The following GML variants were observed in gnomAD, a reference collection of about 807,000 sequenced individuals.
The protein encoded by GML is glycosyl-phosphatidylinositol-anchored molecule-like protein.
Under a neutral mutation model 8.2 loss-of-function variants are expected in GML, and 5 were observed. The ratio of observed to expected loss-of-function variants is 0.61; its 90% confidence interval spans 0.32 to 1.28. The LOEUF is 1.28. Ranked by LOEUF, GML falls within the 50% of genes most tolerant of loss-of-function variation. The probability of loss-of-function intolerance (pLI) is 0.06; values close to 1 mark genes in which losing one functional copy is unlikely to be tolerated. For synonymous variants in GML, 72 were observed against 69.0 expected (o/e 1.04, Z -0.22); for missense variants, 191 against 198.3 (o/e 0.96, Z 0.22).
At chr8:142,846,247 G>A in intron 3 of GML, 148 bp from the exon 4 acceptor site, 1 of 610,610 alleles carries the variant, frequency 1.6e-6, no homozygotes, top group Non-Finnish European at 2.9e-6. Flanking sequence ...TTCTCTCTTA[G>A]TCAAGTGTTC....
chr8:142,846,263 A>C (rs147652308), intron 3 of GML, 132 bp from the exon 4 acceptor site: 1 of 636,356 alleles, frequency 1.6e-6, no homozygotes, highest in African/African-American at 1.8e-5. Flanking sequence ...TGTTCTAGAC[A>C]ATTTTATCAC....
chr8:142,844,308 G>A (rs1816476056), intron 3 of GML, among the ~76,000 whole-genome samples: 1 of 152,178 alleles, frequency 6.6e-6, no homozygotes, highest in Non-Finnish European at 1.5e-5. Flanking sequence ...AGCAGTTTCA[G>A]GTGGTTTGTA....
At chr8:142,842,183 C>G (rs1056075831) in intron 3 of GML, among the ~76,000 whole-genome samples, 2 of 152,174 alleles carry the variant, frequency 1.3e-5, no homozygotes, top group African/African-American at 4.8e-5. Context: ...TCCTTCCTGC[C>G]ATCATTTGAA....
At chr8:142,839,772 G>A (rs911973775) in intron 1 of GML, among the ~76,000 whole-genome samples, 6 of 152,274 alleles carry the variant, frequency 3.9e-5, no homozygotes, top group South Asian at 2.1e-4. Flanking sequence ...GGGCGTTTCT[G>A]AGCCCACAGT....
At chr8:142,837,912 A>G (rs541290240) in intron 1 of GML, among the ~76,000 whole-genome samples, 1 of 148,696 alleles carries the variant, frequency 6.7e-6, no homozygotes, top group Non-Finnish European at 1.5e-5. Context: ...ATCTTTAGGT[A>G]CCTGGAGATT....
intron 1 of GML, among the ~76,000 whole-genome samples, chr8:142,837,897 T>G (rs1221579826): frequency 1.3e-5 from 2 of 148,302 alleles, no homozygotes; most frequent in East Asian, 2.1e-4. Context: ...GGGAAAACTG[T>G]CTTGATCTTT....
chr8:142,839,206 C>T (rs1816388262), intron 1 of GML, among the ~76,000 whole-genome samples: 1 of 152,148 alleles, frequency 6.6e-6, no homozygotes, highest in Non-Finnish European at 1.5e-5. Flanking sequence ...GGAGATCCAC[C>T]TAGGGAGGCT....
chr8:142,841,021 G>A, intron 2 of GML, 97 bp from the exon 3 acceptor site: 1 of 724,042 alleles, frequency 1.4e-6, no homozygotes, highest in East Asian at 2.6e-5. Context: ...GAAGCAGAGG[G>A]GAAGGGCTGG....
chr8:142,839,911 G>A (rs1022013109), intron 1 of GML, among the ~76,000 whole-genome samples: 2 of 152,172 alleles, frequency 1.3e-5, no homozygotes, highest in Non-Finnish European at 2.9e-5. Context: ...TAATGACACT[G>A]AGGATGCCTT....
At position 142,846,560 on chromosome 8, in the gene GML, C is replaced by T. The variant is rs1272674839; in HGVS notation, c.347C>T (p.Thr116Ile). 1 of 1,613,926 alleles carries T rather than the reference C, an allele frequency of 6.2e-7. No individual in the cohort carries two copies. The highest frequency in any genetic ancestry group is 1.1e-5 in the South Asian group (1 of 91,066). ...NSMVCNAGGP[T>I]NLERDMLPDE... ...ATGGTTTGCAATGCAGGAGGACCTA[C>T]TAATCTTGAAAGGGACATGTTACCC... The change falls in exon 4 of 4, where the codon ACT (threonine) becomes ATT (isoleucine). Residue 116 changes from threonine (T) to isoleucine (I), a missense_variant. Physicochemically the swap from Thr to Ile is moderately conservative, Grantham distance 89. Coordinates refer to ENST00000220940, the MANE Select transcript of GML (RefSeq NM_002066.3).
In GML at chr8:142,841,214, C is replaced by T. The variant is rs765885764; in HGVS notation, c.170C>T (p.Thr57Ile). 6 of 1,469,626 alleles carry T rather than the reference C, an allele frequency of 4.1e-6. No individual in the cohort carries two copies. In the African/African-American group the frequency reaches 7.0e-5, roughly 17 times the overall value. 91.0% of individuals were successfully genotyped at this position (1,469,626 alleles called of 1,614,324 possible). Residue 57 changes from threonine to isoleucine, a missense_variant, in exon 3 of 4, where the codon ACA (threonine) becomes ATA (isoleucine). Thr to Ile is a moderately conservative substitution (Grantham distance 89). Coordinates refer to ENST00000220940, the MANE Select transcript of GML (RefSeq NM_002066.3). ...VCPYHIRRCMTISIRINSREL... is the reference protein window; with the variant it reads ...VCPYHIRRCMIISIRINSREL... ...CCGTATCATATTAGGCGCTGTATGA[C>T]AATCTCCATTCGTAAGTACCTCTTT...
chr8:142,838,033 T>A (rs537526842), intron 1 of GML, among the ~76,000 whole-genome samples: 5 of 146,154 alleles, frequency 3.4e-5, no homozygotes, highest in Admixed American at 2.1e-4. Context: ...AAGTGACAAA[T>A]GTATTTGCAA....
chr8:142,836,430 T>G (rs192919664), intron 1 of GML, among the ~76,000 whole-genome samples: 70 of 152,358 alleles, frequency 4.6e-4, no homozygotes, highest in Middle Eastern at 6.8e-3. Flanking sequence ...CCTGTTATTT[T>G]TAAAATTTTT....
At chr8:142,835,113 G>C (rs139970578) in intron 1 of GML, among the ~76,000 whole-genome samples, 1 of 150,484 alleles carries the variant, frequency 6.6e-6, no homozygotes, top group Non-Finnish European at 1.5e-5. Flanking sequence ...CTGGGGAGAC[G>C]CCCCCTGCTC....
chr8:142,842,941 C>T (rs1816454863), intron 3 of GML, among the ~76,000 whole-genome samples: 1 of 152,246 alleles, frequency 6.6e-6, no homozygotes, highest in Admixed American at 6.5e-5. Flanking sequence ...TTGGCTCCCC[C>T]ATGGTCATGG....
At position 142,844,308 on chromosome 8, in the gene GML, G is replaced by C. The variant is rs1816476056; in HGVS notation, c.182-2087G>C. Among the ~76,000 whole-genome samples, 3 of 152,178 alleles carry C rather than the reference G, an allele frequency of 2.0e-5. 1 individual carries two copies. The South Asian group carries it at 6.2e-4, about 31-fold the overall frequency. ...GCACCATATAAAAGAAGCAGTTTCA[G>C]GTGGTTTGTAGATCTCAATGTAAAT... On this transcript the variant is annotated intron_variant, in intron 3 of 3. Transcript: ENST00000220940.
intron 2 of GML, 50 bp downstream of exon 2, chr8:142,840,560 G>C (rs887921347): frequency 7.7e-7 from 1 of 1,292,728 alleles, no homozygotes; most frequent in Non-Finnish European, 1.1e-6. Context: ...AATTCACCTG[G>C]GGTGCTGGGG....
chr8:142,839,887 G>C (rs1305793212), intron 1 of GML, among the ~76,000 whole-genome samples: 1 of 152,162 alleles, frequency 6.6e-6, no homozygotes, highest in Non-Finnish European at 1.5e-5. Flanking sequence ...GATTTTGGGA[G>C]GGGAGTTCTC....
chr8:142,844,384 C>T (rs1435874054), intron 3 of GML, among the ~76,000 whole-genome samples: 2 of 152,080 alleles, frequency 1.3e-5, no homozygotes, highest in Non-Finnish European at 2.9e-5. Context: ...GTATTTATGA[C>T]TTTTAGGAAT....
Sources: gnomAD v4.1 joint callset for allele counts (sites outside exome capture counted in the v4.1 genomes callset) on GRCh38, gnomAD v4.1.1 for gene constraint, MANE v1.5 for transcripts, NCBI Gene and HGNC (gene_info 2026-07-23, HGNC 2026-07-21) for gene names.